ARHGAP6: variants seen among roughly 807,000 people sequenced by gnomAD.
The protein encoded by ARHGAP6 is rho GTPase-activating protein 6.
ARHGAP6 carries 16 observed loss-of-function variants against 55.7 expected under a neutral mutation model. The observed-to-expected ratio is 0.29, with a 90% CI of 0.19 to 0.44. The LOEUF is 0.44. Among genes scored for constraint, ARHGAP6 ranks in the 20% least tolerant of loss-of-function variants. The pLI is 1.00. For synonymous variants in ARHGAP6, 382 were observed against 360.9 expected (o/e 1.06, Z -0.66); for missense variants, 698 against 808.9 (o/e 0.86, Z 1.66).
At chrX:11,402,046 AAGAT>A (rs2147753361) in intron 1 of ARHGAP6, among the ~76,000 whole-genome samples, 1 of 111,861 alleles carries the variant, frequency 8.9e-6, no homozygotes, top group African/African-American at 3.2e-5. Flanking sequence ...CCATCTCTGA[AAGAT>A]AGGTCTGCTG....
chrX:11,359,695 C>CA (rs1377898498), intron 1 of ARHGAP6, among the ~76,000 whole-genome samples: 1 of 111,439 alleles, frequency 9.0e-6, no homozygotes, highest in South Asian at 3.7e-4. Flanking sequence ...AAAAACCCTT[C>CA]AAAAAATTAA....
At chrX:11,639,894 C>T (rs1213217626) in intron 1 of ARHGAP6, among the ~76,000 whole-genome samples, 1 of 111,022 alleles carries the variant, frequency 9.0e-6, no homozygotes, top group Non-Finnish European at 1.9e-5. Context: ...TAGATCAGAA[C>T]CATACTTAAC....
chrX:11,391,799 A>G (rs752335308), intron 1 of ARHGAP6, among the ~76,000 whole-genome samples: 1 of 112,573 alleles, frequency 8.9e-6, no homozygotes, highest in Non-Finnish European at 1.9e-5. Context: ...TTTCATGTAG[A>G]TTGCCTAGGG....
intron 1 of ARHGAP6, among the ~76,000 whole-genome samples, chrX:11,458,648 G>A (rs1191092178): frequency 9.0e-6 from 1 of 111,726 alleles, no homozygotes; most frequent in Non-Finnish European, 1.9e-5. Context: ...AGAGTTATAT[G>A]TGATAATATA....
intron 1 of ARHGAP6, among the ~76,000 whole-genome samples, chrX:11,362,461 C>CACATGG (rs1226856191): frequency 9.1e-6 from 1 of 109,443 alleles, no homozygotes; most frequent in African/African-American, 3.3e-5. Context: ...ACAACGAAAA[C>CACATGG]ACATGGACAC....
At chrX:11,662,839 C>T (rs763543032) in intron 1 of ARHGAP6, among the ~76,000 whole-genome samples, 3 of 112,331 alleles carry the variant, frequency 2.7e-5, no homozygotes, top group East Asian at 2.8e-4. Flanking sequence ...ACAGATTAAT[C>T]TGATAATGTG....
chrX:11,247,119 C>T (rs944393859), intron 2 of ARHGAP6, among the ~76,000 whole-genome samples: 6 of 111,493 alleles, frequency 5.4e-5, no homozygotes, highest in Non-Finnish European at 9.4e-5. Flanking sequence ...GGGATAATGG[C>T]GAGGGATCAT....
At chrX:11,648,359 C>T (rs1280293113) in intron 1 of ARHGAP6, among the ~76,000 whole-genome samples, 1 of 111,731 alleles carries the variant, frequency 9.0e-6, no homozygotes, top group Non-Finnish European at 1.9e-5. Flanking sequence ...AAACCTGTTG[C>T]CAAAGTTTGT....
chrX:11,417,584 G>T (rs2049769760), intron 1 of ARHGAP6, among the ~76,000 whole-genome samples: 1 of 111,626 alleles, frequency 9.0e-6, no homozygotes, highest in South Asian at 3.8e-4. Context: ...TAAATAAGAT[G>T]CTACCATTGA....
At chrX:11,235,447 G>A (rs2047186120) in intron 2 of ARHGAP6, among the ~76,000 whole-genome samples, 1 of 111,103 alleles carries the variant, frequency 9.0e-6, no homozygotes, top group East Asian at 2.8e-4. Flanking sequence ...TGCCGTGCAG[G>A]TCTCTGACAT....
chrX:11,372,771 C>CAAAAA (rs1171647934), intron 1 of ARHGAP6, among the ~76,000 whole-genome samples: 1,407 of 12,464 alleles, frequency 0.11, no homozygotes, highest in Non-Finnish European at 0.14. Flanking sequence ...GACTCCATCT[C>CAAAAA]AAAAAAAAAA....
intron 1 of ARHGAP6, among the ~76,000 whole-genome samples, chrX:11,409,429 A>C (rs938905949): frequency 1.4e-4 from 16 of 111,893 alleles, no homozygotes; most frequent in African/African-American, 4.9e-4. Context: ...GGCCTCTCCA[A>C]GTCTTGCTGC....
chrX:11,264,245 T>G (rs934917940), intron 1 of ARHGAP6, among the ~76,000 whole-genome samples: 9 of 111,302 alleles, frequency 8.1e-5, no homozygotes, highest in Admixed American at 1.9e-4. Context: ...TCAAACAACA[T>G]AATTTAGCAT....
At chrX:11,396,968 C>T (rs775630652) in intron 1 of ARHGAP6, among the ~76,000 whole-genome samples, 2 of 111,541 alleles carry the variant, frequency 1.8e-5, no homozygotes, top group Non-Finnish European at 3.8e-5. Flanking sequence ...CATGTGCACA[C>T]ACACCCTAAA....
At chrX:11,405,406 T>C (rs1453707778) in intron 1 of ARHGAP6, among the ~76,000 whole-genome samples, 1 of 112,406 alleles carries the variant, frequency 8.9e-6, no homozygotes, top group Non-Finnish European at 1.9e-5. Flanking sequence ...AAGACACTGC[T>C]GGGTAAAAAC....
chrX:11,347,687 A>G (rs2048805959), intron 1 of ARHGAP6, among the ~76,000 whole-genome samples: 1 of 112,311 alleles, frequency 8.9e-6, no homozygotes, highest in Non-Finnish European at 1.9e-5. Context: ...TGAAATGTCC[A>G]TGGCATTCCC....
intron 1 of ARHGAP6, among the ~76,000 whole-genome samples, chrX:11,395,730 A>G (rs2049468807): frequency 8.9e-6 from 1 of 112,513 alleles, no homozygotes; most frequent in African/African-American, 3.2e-5. Context: ...GTTAGCAAAG[A>G]GAGAAGGTGA....
intron 2 of ARHGAP6, among the ~76,000 whole-genome samples, chrX:11,242,001 TGA>T (rs1333991121): frequency 8.9e-6 from 1 of 111,890 alleles, no homozygotes; most frequent in Admixed American, 9.5e-5. Flanking sequence ...GAACATTCTG[TGA>T]GTCTCTCACT....
At chrX:11,169,344 T>C in intron 9 of ARHGAP6, 161 bp downstream of exon 9, 1 of 378,808 alleles carries the variant, frequency 2.6e-6, no homozygotes, top group Non-Finnish European at 4.4e-6. Context: ...AATGACATCA[T>C]AGTTGTGCAA....
Sources: gnomAD v4.1 joint callset for allele counts (sites outside exome capture counted in the v4.1 genomes callset) on GRCh38, gnomAD v4.1.1 for gene constraint, MANE v1.5 for transcripts, NCBI Gene and HGNC (gene_info 2026-07-23, HGNC 2026-07-21) for gene names.